The following MED27 variants were observed in gnomAD, a reference collection of about 807,000 sequenced individuals.
MED27 encodes the protein mediator complex subunit 27, also known as mediator of RNA polymerase II transcription subunit 27.
MED27 carries 30 observed loss-of-function variants against 38.2 expected under a neutral mutation model. That is an observed-to-expected ratio of 0.79 (90% CI 0.59 to 1.07). The LOEUF (loss-of-function observed/expected upper bound fraction) is 1.07, where lower values mean the gene tolerates loss of function less well. Among genes scored for constraint, MED27 ranks in the 50% least tolerant of loss-of-function variants. MED27 has a pLI of 0.00. For synonymous variants in MED27, 122 were observed against 153.5 expected, an observed-to-expected ratio of 0.79 and a Z score of 1.52; for missense variants, 289 against 397.5, an observed-to-expected ratio of 0.73 and a Z score of 2.32.
intron 3 of MED27, among the ~76,000 whole-genome samples, chr9:132,005,122 T>C (rs894388009): frequency 2.6e-5 from 4 of 152,086 alleles, no homozygotes; most frequent in Admixed American, 2.0e-4. Flanking sequence ...CAGGAGTACA[T>C]AAAATAAATA....
At chr9:131,865,843 GC>G (rs1392530331) in intron 6 of MED27, among the ~76,000 whole-genome samples, 1 of 152,226 alleles carries the variant, frequency 6.6e-6, no homozygotes, top group African/African-American at 2.4e-5. Context: ...TAACTGTGGT[GC>G]CCAGCTCCTC....
intron 4 of MED27, among the ~76,000 whole-genome samples, chr9:131,903,923 G>T (rs1412058596): frequency 1.3e-5 from 2 of 148,362 alleles, no homozygotes. Flanking sequence ...TTTTGAGATG[G>T]AGTCTCACTC....
intron 4 of MED27, among the ~76,000 whole-genome samples, chr9:131,929,132 C>A (rs1247266452): frequency 6.6e-6 from 1 of 152,202 alleles, no homozygotes; most frequent in East Asian, 1.9e-4. Context: ...AGGGAATCTG[C>A]TCCCTTGAAG....
At chr9:131,910,891 G>A (rs1830175691) in intron 4 of MED27, among the ~76,000 whole-genome samples, 1 of 152,058 alleles carries the variant, frequency 6.6e-6, no homozygotes, top group Non-Finnish European at 1.5e-5. Context: ...CAAACCAGCA[G>A]ACTTCCCATC....
At position 132,073,427 on chromosome 9, in the gene MED27, T is replaced by G. The variant is rs545897289; in HGVS notation, c.348+4015A>C. Reference sequence around the variant, plus strand: ...GATTACAGTGTACCAGGCGCCTTGCTAGTTGCTGGGGACTCCCAGCAAGGA... The same window carrying G: ...GATTACAGTGTACCAGGCGCCTTGCGAGTTGCTGGGGACTCCCAGCAAGGA... On this transcript the variant is annotated intron_variant, in intron 2 of 7. Coordinates refer to ENST00000292035, the MANE Select transcript of MED27 (RefSeq NM_004269.4). 36 of 1,100,756 alleles carry G rather than the reference T, an allele frequency of 3.3e-5. No individual in the cohort carries two copies. The African/African-American group carries it at 5.4e-4, about 17-fold the overall frequency. The allele number at this position is 1,100,756 out of a possible 1,614,324, so 68.2% of individuals were successfully genotyped here. A position where few individuals can be genotyped will look rare whatever the true frequency, so the allele number is the denominator to read the frequency against.
At chr9:131,966,131 G>C (rs942344083) in intron 3 of MED27, among the ~76,000 whole-genome samples, 4 of 142,728 alleles carry the variant, frequency 2.8e-5, no homozygotes, top group Non-Finnish European at 6.0e-5. Context: ...GAAAGGCTGA[G>C]GTGGGAGGAT....
intron 4 of MED27, among the ~76,000 whole-genome samples, chr9:131,911,962 C>T (rs1684946161): frequency 6.6e-6 from 1 of 152,126 alleles, no homozygotes; most frequent in Admixed American, 6.5e-5. Context: ...TCCCTGCTGC[C>T]CCACAGCTGA....
intron 3 of MED27, among the ~76,000 whole-genome samples, chr9:131,980,819 A>C (rs1589247633): frequency 6.6e-6 from 1 of 152,150 alleles, no homozygotes; most frequent in East Asian, 1.9e-4. Context: ...TTCTTAGTTC[A>C]ATGAATTCTG....
chr9:131,995,654 C>T (rs539350322), intron 3 of MED27, among the ~76,000 whole-genome samples: 2 of 152,150 alleles, frequency 1.3e-5, no homozygotes, highest in Non-Finnish European at 2.9e-5. Flanking sequence ...CTGGATCCCA[C>T]ATAATATTAT....
intron 3 of MED27, among the ~76,000 whole-genome samples, chr9:131,994,700 C>T (rs1252427536): frequency 6.6e-6 from 1 of 152,178 alleles, no homozygotes; most frequent in Non-Finnish European, 1.5e-5. Flanking sequence ...AAAAACAAGA[C>T]TCAGGAACAG....
intron 2 of MED27, among the ~76,000 whole-genome samples, chr9:132,054,329 G>A (rs551628847): frequency 1.4e-4 from 22 of 152,318 alleles, no homozygotes; most frequent in African/African-American, 5.3e-4. Context: ...TCCGCCATAA[G>A]TAAGAGCTCC....
At chr9:131,963,267 G>A (rs946040543) in intron 3 of MED27, among the ~76,000 whole-genome samples, 2 of 152,088 alleles carry the variant, frequency 1.3e-5, no homozygotes, top group African/African-American at 4.8e-5. Context: ...GTTCCAAACA[G>A]ATTAAGTTTT....
intron 6 of MED27, chr9:131,868,836 A>G: frequency 1.0e-6 from 1 of 985,482 alleles, no homozygotes; most frequent in Non-Finnish European, 1.2e-6. Flanking sequence ...CGCCAGGCAC[A>G]GGCTGGGAGA....
At chr9:131,988,653 G>A (rs1374659928) in intron 3 of MED27, among the ~76,000 whole-genome samples, 1 of 151,726 alleles carries the variant, frequency 6.6e-6, no homozygotes, top group Non-Finnish European at 1.5e-5. Flanking sequence ...TTTTTGCGGG[G>A]GGATTGGGGG....
intron 2 of MED27, among the ~76,000 whole-genome samples, chr9:132,019,039 T>C (rs1832665085): frequency 6.6e-6 from 1 of 151,902 alleles, no homozygotes; most frequent in Non-Finnish European, 1.5e-5. Flanking sequence ...ATCAAGGGGG[T>C]AGGGAGCCCC....
At chr9:131,891,336 C>T (rs1023364570) in intron 5 of MED27, among the ~76,000 whole-genome samples, 6 of 152,208 alleles carry the variant, frequency 3.9e-5, no homozygotes, top group Middle Eastern at 3.2e-3. Context: ...GCAGAGGCTG[C>T]GCCATGAGGC....
intron 3 of MED27, among the ~76,000 whole-genome samples, chr9:131,984,782 C>T (rs919690855): frequency 2.0e-5 from 3 of 152,210 alleles, no homozygotes; most frequent in Admixed American, 2.0e-4. Context: ...CGCTTCCTGA[C>T]ATTTATACAT....
intron 3 of MED27, among the ~76,000 whole-genome samples, chr9:131,995,960 C>A (rs1477039523): frequency 6.6e-6 from 1 of 152,090 alleles, no homozygotes; most frequent in East Asian, 1.9e-4. Flanking sequence ...TCCTGATATC[C>A]CATGGTAGAC....
At chr9:131,998,192 G>A (rs1271882863) in intron 3 of MED27, among the ~76,000 whole-genome samples, 1 of 151,712 alleles carries the variant, frequency 6.6e-6, no homozygotes, top group Non-Finnish European at 1.5e-5. Flanking sequence ...CGCACTTGGG[G>A]AGAGCTACGA....
Sources: gnomAD v4.1 joint callset for allele counts (sites outside exome capture counted in the v4.1 genomes callset) on GRCh38, gnomAD v4.1.1 for gene constraint, MANE v1.5 for transcripts, NCBI Gene and HGNC (gene_info 2026-07-23, HGNC 2026-07-21) for gene names.